The following MSH3 variants were observed in gnomAD, a reference collection of about 807,000 sequenced individuals.
The protein encoded by MSH3 is mutS homolog 3.
In MSH3, 106 loss-of-function variants were observed where a neutral mutation model predicts 123.3. The observed-to-expected ratio is 0.86, with a 90% CI of 0.73 to 1.01. MSH3 has a LOEUF of 1.01. Ranked by LOEUF, MSH3 falls within the 50% of genes least tolerant of loss-of-function variation. The pLI is 0.00. For missense variants in MSH3, 1,459 were observed against 1,347.6 expected, an observed-to-expected ratio of 1.08 and a Z score of -1.29; for synonymous variants, 515 against 481.4, an observed-to-expected ratio of 1.07 and a Z score of -0.91.
intron 5 of MSH3, 64 bp downstream of exon 5, chr5:80,672,424 TGTTTTGTAAG>T: frequency 1.6e-6 from 2 of 1,251,390 alleles, no homozygotes; most frequent in Non-Finnish European, 1.2e-6. Context: ...AGTGCAAACG[TGTTTTGTAAG>T]GTGGTAGGTA....
At chr5:80,861,013 G>T (rs548817638) in intron 21 of MSH3, among the ~76,000 whole-genome samples, 32 of 152,074 alleles carry the variant, frequency 2.1e-4, no homozygotes, top group Non-Finnish European at 2.9e-5. Context: ...TTTCCTTTTG[G>T]TTTTTTCTTA....
chr5:80,868,156 T>A (rs1334747739), intron 22 of MSH3, among the ~76,000 whole-genome samples: 1 of 152,184 alleles, frequency 6.6e-6, no homozygotes, highest in East Asian at 1.9e-4. Flanking sequence ...AAAGGAATGC[T>A]TATATGCTGG....
chr5:80,752,713 G>A (rs1580019370), intron 12 of MSH3, among the ~76,000 whole-genome samples: 2 of 152,246 alleles, frequency 1.3e-5, no homozygotes. Context: ...CAAGAAGGTA[G>A]CCATGGTCTT....
At chr5:80,782,711 T>C (rs1744431914) in intron 17 of MSH3, among the ~76,000 whole-genome samples, 1 of 152,194 alleles carries the variant, frequency 6.6e-6, no homozygotes, top group Non-Finnish European at 1.5e-5. Flanking sequence ...ATTTTGCAAC[T>C]AGAGCCCCCA....
In MSH3 at chr5:80,728,939, C is replaced by G; in HGVS notation, c.1542C>G (p.Asn514Lys). The G allele has an allele frequency of 6.2e-7, 1 of 1,608,302 alleles. No homozygotes were observed. Among genetic ancestry groups the G allele is most frequent in the Non-Finnish European group, 8.5e-7 (1 of 1,174,978 alleles). ...AAIIKYLKEF[N>K]LEKMLSKPEN... ...TCATAAAATACCTCAAAGAATTCAACTTGGAAAAGATGCTCTCCAAACCTG... is the reference window on the plus strand; with the variant it reads ...TCATAAAATACCTCAAAGAATTCAAGTTGGAAAAGATGCTCTCCAAACCTG... The change falls in exon 10 of 24, where the codon AAC (asparagine) becomes AAG (lysine). Residue 514 changes from asparagine (N) to lysine (K), a missense_variant. Transcript: ENST00000265081.
chr5:80,829,997 A>C (rs1187158796), intron 20 of MSH3, among the ~76,000 whole-genome samples: 1 of 152,146 alleles, frequency 6.6e-6, no homozygotes, highest in Non-Finnish European at 1.5e-5. Context: ...TGTTTTATCT[A>C]GGATATGAAA....
At chr5:80,711,339 GC>G (rs1350732566) in intron 8 of MSH3, among the ~76,000 whole-genome samples, 2 of 152,224 alleles carry the variant, frequency 1.3e-5, no homozygotes, top group African/African-American at 4.8e-5. Flanking sequence ...GCCTGAAGAA[GC>G]GTGGGCCCTA....
At chr5:80,703,473 A>T (rs1051594820) in intron 8 of MSH3, among the ~76,000 whole-genome samples, 8 of 152,010 alleles carry the variant, frequency 5.3e-5, no homozygotes, top group African/African-American at 1.9e-4. Flanking sequence ...CCTGGCCTGC[A>T]GGTTGATTGT....
chr5:80,656,409 A>G lies in MSH3; in HGVS notation c.238-2A>G, dbSNP rs1749285874. On this transcript the variant is annotated splice_acceptor_variant, in intron 1 of 23. Coordinates refer to ENST00000265081, the MANE Select transcript of MSH3 (RefSeq NM_002439.5). LOFTEE classifies it high-confidence loss of function. ...CATCATTTTCTAACCTTCCCGATAT[A>G]GGCTACAGAAATTGACAGAAGAAAG... is the stretch of plus-strand genomic sequence containing the variant. The G allele has an allele frequency of 6.2e-7, 1 of 1,613,982 alleles. No homozygotes were observed. Among genetic ancestry groups the G allele is most frequent in the African/African-American group, 1.3e-5 (1 of 74,940 alleles).
intron 10 of MSH3, 27 bp downstream of exon 10, chr5:80,728,992 AAG>A (rs1491556660): frequency 8.1e-7 from 1 of 1,234,074 alleles, no homozygotes; most frequent in Non-Finnish European, 1.2e-6. Flanking sequence ...AAATTAAAAA[AAG>A]GGGGAGCTTA....
intron 8 of MSH3, among the ~76,000 whole-genome samples, chr5:80,702,838 CCT>C (rs1477712626): frequency 6.6e-6 from 1 of 152,034 alleles, no homozygotes; most frequent in Non-Finnish European, 1.5e-5. Context: ...ATGGTAAATC[CCT>C]GTCTTTACTA....
chr5:80,873,488 T>G (rs779740076), intron 23 of MSH3, among the ~76,000 whole-genome samples: 3 of 152,204 alleles, frequency 2.0e-5, no homozygotes, highest in Non-Finnish European at 4.4e-5. Context: ...AGATCATTAT[T>G]AAGTTGCTAA....
intron 15 of MSH3, among the ~76,000 whole-genome samples, chr5:80,770,512 G>A (rs981592492): frequency 6.6e-6 from 1 of 152,078 alleles, no homozygotes. Context: ...ATGGTGGTAG[G>A]TGCCTACATA....
chr5:80,872,063 A>G (rs1341025119), intron 22 of MSH3, among the ~76,000 whole-genome samples: 1 of 152,182 alleles, frequency 6.6e-6, no homozygotes, highest in East Asian at 1.9e-4. Flanking sequence ...GTGGTACTGA[A>G]CAGAATCCGG....
intron 16 of MSH3, among the ~76,000 whole-genome samples, chr5:80,778,433 A>C (rs1329383800): frequency 6.6e-6 from 1 of 152,096 alleles, no homozygotes; most frequent in Non-Finnish European, 1.5e-5. Flanking sequence ...ATTTTCACTT[A>C]GTATAATTTA....
At chr5:80,759,857 T>C (rs891576127) in intron 12 of MSH3, among the ~76,000 whole-genome samples, 3 of 152,152 alleles carry the variant, frequency 2.0e-5, no homozygotes, top group South Asian at 2.1e-4. Context: ...AGCCCGTGTG[T>C]GTACAAAGCT....
intron 8 of MSH3, among the ~76,000 whole-genome samples, chr5:80,698,042 G>T (rs1326271687): frequency 6.6e-6 from 1 of 151,916 alleles, no homozygotes; most frequent in Admixed American, 6.6e-5. Context: ...TGAGTAGCTG[G>T]GACTGCAGGT....
chr5:80,784,640 A>G lies in MSH3; in HGVS notation c.2436-2925A>G, dbSNP rs535530530. Among the ~76,000 whole-genome samples, 10 of 152,290 alleles carry G rather than the reference A, an allele frequency of 6.6e-5. No homozygotes were observed. In the East Asian group the frequency reaches 1.9e-3, roughly 29 times the overall value. On this transcript the variant is annotated intron_variant, in intron 17 of 23. Coordinates refer to ENST00000265081, the MANE Select transcript of MSH3 (RefSeq NM_002439.5). The stretch of plus-strand genomic sequence containing the variant: ...TAATCCTATTGTGCTATCAAATAGT[A>G]GGTCTTATTCATTCTTTCTATTTTT...
In MSH3 at chr5:80,693,884, T is replaced by A. The variant is rs188957670; in HGVS notation, c.1340+14791T>A. ...CATAGTGTCCAGGCTGATCTCGAAC[T>A]CCTGACCTCAAATGATCCTCCTGCC... On this transcript the variant is annotated intron_variant, in intron 8 of 23. Transcript: ENST00000265081. 2.2e-4 allele frequency among the ~76,000 whole-genome samples: 33 copies of A among 152,252 alleles called. No individual in the cohort carries two copies. In the East Asian group the frequency reaches 6.4e-3, roughly 29 times the overall value.
Sources: gnomAD v4.1 joint callset for allele counts (sites outside exome capture counted in the v4.1 genomes callset) on GRCh38, gnomAD v4.1.1 for gene constraint, MANE v1.5 for transcripts, NCBI Gene and HGNC (gene_info 2026-07-23, HGNC 2026-07-21) for gene names.